CGN: variants seen among roughly 807,000 people sequenced by gnomAD.
CGN encodes cingulin.
CGN carries 121 observed loss-of-function variants against 157.1 expected under a neutral mutation model. The observed-to-expected ratio is 0.77, with a 90% CI of 0.66 to 0.90. CGN has a LOEUF of 0.90. Among genes scored for constraint, CGN ranks in the 40% least tolerant of loss-of-function variants. The probability of loss-of-function intolerance (pLI) is 0.00; values close to 1 mark genes in which losing one functional copy is unlikely to be tolerated. For synonymous variants in CGN, 535 were observed against 607.5 expected, an observed-to-expected ratio of 0.88 and a Z score of 1.76; for missense variants, 1,424 against 1,520.9, an observed-to-expected ratio of 0.94 and a Z score of 1.06.
intron 1 of CGN, among the ~76,000 whole-genome samples, chr1:151,516,504 A>C (rs572072456): frequency 4.1e-4 from 61 of 150,052 alleles, no homozygotes; most frequent in African/African-American, 1.4e-3. Context: ...CTCTCAGCTG[A>C]GACAAGTTTA....
intron 1 of CGN, among the ~76,000 whole-genome samples, chr1:151,516,427 A>G (rs1283436606): frequency 6.6e-6 from 1 of 151,984 alleles, no homozygotes; most frequent in Non-Finnish European, 1.5e-5. Flanking sequence ...AATACATTCC[A>G]TTTGCTGACT....
At position 151,518,588 on chromosome 1, in the gene CGN, C is replaced by G; in HGVS notation, c.69C>G (p.Ile23Met). The change falls in exon 2 of 21, where the codon ATC becomes ATG. Residue 23 changes from isoleucine (I) to methionine (M), a missense_variant. Ile to Met is a conservative substitution (Grantham distance 10). Around this residue, in one of 3 missense-constraint regions of CGN, gnomAD observed 1,187 missense variants for 1,217.6 expected, o/e 0.97. Transcript: ENST00000271636. ...PVDHGVQIRF[I>M]TEPVSGAEMG... Reference sequence around the variant, plus strand: ...ACCATGGAGTCCAGATTCGCTTCATCACAGAGCCAGTGAGTGGTGCAGAGA... The same window carrying G: ...ACCATGGAGTCCAGATTCGCTTCATGACAGAGCCAGTGAGTGGTGCAGAGA... 6.2e-7 allele frequency: 1 copy of G among 1,614,114 alleles called. No homozygotes were observed. The highest frequency in any genetic ancestry group is 1.1e-5 in the South Asian group (1 of 91,072).
chr1:151,518,594 G>A lies in CGN; in HGVS notation c.75G>A (p.Glu25=). ...GAGTCCAGATTCGCTTCATCACAGA[G>A]CCAGTGAGTGGTGCAGAGATGGGCA... ...DHGVQIRFIT[E]PVSGAEMGTL... Residue 25 remains glutamate (E), a synonymous_variant, in exon 2 of 21, where the codon GAG becomes GAA. Coordinates refer to ENST00000271636, the MANE Select transcript of CGN (RefSeq NM_020770.3). 2 of 1,614,170 alleles carry A rather than the reference G, an allele frequency of 1.2e-6. No homozygotes were observed. The highest frequency in any genetic ancestry group is 2.7e-5 in the African/African-American group (2 of 75,046).
rs142876758 is a variant in CGN, at chr1:151,518,699, C to G, written c.180C>G (p.Ile60Met). The change falls in exon 2 of 21, where the codon ATC becomes ATG. Residue 60 changes from isoleucine to methionine, a missense_variant. Ile to Met is a conservative substitution (Grantham distance 10). Around this residue, in one of 3 missense-constraint regions of CGN, gnomAD observed 1,187 missense variants for 1,217.6 expected, o/e 0.97. Transcript: ENST00000271636. ...TYGVAVRVQG[I>M]AGQPFVVLNS... ...GGGTTGCTGTGCGTGTGCAGGGAAT[C>G]GCTGGGCAGCCCTTTGTGGTGCTCA... 1 of 1,614,018 alleles carries G rather than the reference C, an allele frequency of 6.2e-7. No individual in the cohort carries two copies. The highest frequency in any genetic ancestry group is 1.3e-5 in the African/African-American group (1 of 74,906).
upstream of CGN, chr1:151,511,060 G>A (rs1664269283): frequency 1.3e-5 from 2 of 152,430 alleles, no homozygotes; most frequent in African/African-American, 4.8e-5. This position sits in a 1 kb window ranked among gnomAD's most constrained non-coding sequence, Gnocchi z 4.8. Flanking sequence ...CGGGAGGCAG[G>A]AGGCTGTTTT....
chr1:151,520,095 C>T, intron 2 of CGN, 71 bp from the exon 3 acceptor site: 5 of 1,199,744 alleles, frequency 4.2e-6, no homozygotes, highest in Non-Finnish European at 5.9e-6. Flanking sequence ...GAACCCCACG[C>T]ATGCTTCTGG....
intron 10 of CGN, among the ~76,000 whole-genome samples, chr1:151,528,102 C>T (rs1167490942): frequency 2.7e-5 from 4 of 150,698 alleles, no homozygotes; most frequent in African/African-American, 7.3e-5. Flanking sequence ...ACTACAGGCG[C>T]CCACCACCAC....
intron 18 of CGN, 94 bp downstream of exon 18, chr1:151,535,992 T>G: frequency 1.0e-6 from 1 of 981,250 alleles, no homozygotes; most frequent in Admixed American, 2.0e-5. Context: ...ATCTTCCACC[T>G]CAGATATGGC....
At position 151,533,006 on chromosome 1, in the gene CGN, T is replaced by C. The variant is rs76188854; in HGVS notation, c.2742+434T>C. 1.9e-4 allele frequency among the ~76,000 whole-genome samples: 29 copies of C among 152,264 alleles called. No homozygotes were observed. The East Asian group carries it at 5.6e-3, about 29-fold the overall frequency. On this transcript the variant is annotated intron_variant, in intron 14 of 20. Coordinates refer to ENST00000271636, the MANE Select transcript of CGN (RefSeq NM_020770.3). ...TGACTTGCAGGGTGGAGGAATATAT[T>C]GTCTGTAGAGCAGTGATTTTCAAAT...
At position 151,518,695 on chromosome 1, in the gene CGN, G is replaced by A; in HGVS notation, c.176G>A (p.Gly59Glu). Reference protein sequence around the residue: ...STYGVAVRVQGIAGQPFVVLN... With the variant: ...STYGVAVRVQEIAGQPFVVLN... ...TACGGGGTTGCTGTGCGTGTGCAGG[G>A]AATCGCTGGGCAGCCCTTTGTGGTG... The change falls in exon 2 of 21, where the codon GGA becomes GAA. Residue 59 changes from glycine (G) to glutamate (E), a missense_variant. This residue lies in a region of CGN where 1,187 missense variants were observed against 1,217.6 expected (regional missense o/e 0.97). Coordinates refer to ENST00000271636, the MANE Select transcript of CGN (RefSeq NM_020770.3). The A allele has an allele frequency of 2.5e-6, 4 of 1,614,156 alleles. 1 individual carries two copies. The South Asian group carries it at 4.4e-5, about 18-fold the overall frequency.
rs896054969 is a variant in CGN at position 151,530,083 on chromosome 1, G to A, written c.2281G>A (p.Ala761Thr). 3.0e-5 allele frequency: 49 copies of A among 1,613,726 alleles called. No individual in the cohort carries two copies. The highest frequency in any genetic ancestry group is 3.7e-5 in the Non-Finnish European group (44 of 1,179,858). The change falls in exon 12 of 21, where the codon GCA (alanine) becomes ACA (threonine). Residue 761 changes from alanine to threonine, a missense_variant. Around this residue, in one of 3 missense-constraint regions of CGN, gnomAD observed 1,187 missense variants for 1,217.6 expected, o/e 0.97. Transcript: ENST00000271636. ...GGTGGATGGTGGGGAAGCGGTGGAGGCACGACTACGGGACAAGCTGCAGCG... is the reference window on the plus strand; with the variant it reads ...GGTGGATGGTGGGGAAGCGGTGGAGACACGACTACGGGACAAGCTGCAGCG... ...GLVDGGEAVE[A>T]RLRDKLQRLE...
rs550841031 is a variant in CGN at position 151,511,951 on chromosome 1, C to A, written c.-15+436C>A. Among the ~76,000 whole-genome samples, 1 of 152,268 alleles carries A rather than the reference C, an allele frequency of 6.6e-6. No individual in the cohort carries two copies. Among genetic ancestry groups the A allele is most frequent in the Admixed American group, 6.5e-5 (1 of 15,298 alleles). ...CTGCAGGTGCTGCTCGCCTGAGGGT[C>A]TTTCCTGCGTCCTGCGGTCTCAGCT... On this transcript the variant is annotated intron_variant, in intron 1 of 20. Coordinates refer to ENST00000271636, the MANE Select transcript of CGN (RefSeq NM_020770.3). The surrounding 1 kb of genome is among the most constrained non-coding windows in gnomAD (Gnocchi z 4.8).
At chr1:151,516,583 C>T (rs540752075) in intron 1 of CGN, among the ~76,000 whole-genome samples, 2 of 150,738 alleles carry the variant, frequency 1.3e-5, no homozygotes, top group African/African-American at 4.9e-5. Context: ...ACTCTTGTTG[C>T]CCAGGCTGGA....
In CGN at chr1:151,518,731, G is replaced by C; in HGVS notation, c.212G>C (p.Gly71Ala). 6.2e-7 allele frequency: 1 copy of C among 1,614,128 alleles called. No homozygotes were observed. The highest frequency in any genetic ancestry group is 8.5e-7 in the Non-Finnish European group (1 of 1,180,020). The change falls in exon 2 of 21, where the codon GGG becomes GCG. Residue 71 changes from glycine to alanine, a missense_variant. By Grantham distance (60) the Gly-to-Ala change is moderately conservative. Coordinates refer to ENST00000271636, the MANE Select transcript of CGN (RefSeq NM_020770.3). ...AGQPFVVLNS[G>A]EKGGDSFGVQ... ...CAGCCCTTTGTGGTGCTCAACAGTG[G>C]GGAGAAAGGCGGTGACTCCTTTGGG...
Position 151,535,828 on chromosome 1 carries a change from C to T in CGN, c.3127C>T (p.Pro1043Ser), listed in dbSNP as rs758650895. The change falls in exon 18 of 21, where the codon CCT becomes TCT. Residue 1043 changes from proline to serine, a missense_variant. Pro to Ser is a moderately conservative substitution (Grantham distance 74). Around this residue, in one of 3 missense-constraint regions of CGN, gnomAD observed 199 missense variants for 272.2 expected, o/e 0.73. Transcript: ENST00000271636. The part of the protein sequence containing the change: ...RLASSEGFQK[P>S]SASLSQLESQ... ...GGCCAGCTCAGAAGGCTTCCAGAAG[C>T]CTAGTGCCAGCCTCTCTCAGCTTGA... is the stretch of plus-strand genomic sequence containing the variant. 4.3e-6 allele frequency: 7 copies of T among 1,614,200 alleles called. No individual in the cohort carries two copies. Among genetic ancestry groups the T allele is most frequent in the Non-Finnish European group, 5.9e-6 (7 of 1,180,038 alleles).
At chr1:151,515,703 G>A (rs1664394523) in intron 1 of CGN, 2 of 152,106 alleles carry the variant, frequency 1.3e-5, no homozygotes, top group South Asian at 2.1e-4. Context: ...TCAAACTCCC[G>A]AGTTCAAGTG....
At chr1:151,528,985 T>C (rs533690493) in intron 10 of CGN, among the ~76,000 whole-genome samples, 26 of 152,326 alleles carry the variant, frequency 1.7e-4, no homozygotes, top group Non-Finnish European at 3.1e-4. Flanking sequence ...GAGTACTTCA[T>C]TCCTTTTTAT....
intron 12 of CGN, 110 bp from the exon 13 acceptor site, chr1:151,530,379 C>A: frequency 1.5e-6 from 2 of 1,327,434 alleles, no homozygotes; most frequent in South Asian, 2.8e-5. Context: ...GTTTTCATTG[C>A]ACATCATTTT....
chr1:151,534,171 G>A (rs1241099071), intron 15 of CGN, 35 bp downstream of exon 15: 1 of 1,538,702 alleles, frequency 6.5e-7, no homozygotes, highest in Non-Finnish European at 8.8e-7. Flanking sequence ...TGGAAAAAGG[G>A]TGGGACTTCC....
Sources: gnomAD v4.1 joint callset for allele counts (sites outside exome capture counted in the v4.1 genomes callset) on GRCh38, gnomAD v4.1.1 for gene constraint, gnomAD v4.1.1 regional missense constraint, Gnocchi (gnomAD v3.1) non-coding constraint, MANE v1.5 for transcripts, NCBI Gene and HGNC (gene_info 2026-07-23, HGNC 2026-07-21) for gene names.